RORA: variants seen among roughly 807,000 people sequenced by gnomAD.
The protein encoded by RORA is nuclear receptor ROR-alpha.
In RORA, 7 loss-of-function variants were observed where a neutral mutation model predicts 69.5. That is an observed-to-expected ratio of 0.10 (90% CI 0.06 to 0.19). The LOEUF (loss-of-function observed/expected upper bound fraction) is 0.19, where lower values mean the gene tolerates loss of function less well. Ranked by LOEUF, RORA falls within the 10% of genes least tolerant of loss-of-function variation. The probability of loss-of-function intolerance (pLI) is 1.00; values close to 1 mark genes in which losing one functional copy is unlikely to be tolerated. For missense variants in RORA, 457 were observed against 663.0 expected (o/e 0.69, Z 3.41); for synonymous variants, 261 against 240.8 (o/e 1.08, Z -0.78).
intron 1 of RORA, among the ~76,000 whole-genome samples, chr15:60,814,145 C>CTA (rs1341175496): frequency 6.6e-6 from 1 of 152,216 alleles, no homozygotes; most frequent in Non-Finnish European, 1.5e-5. Context: ...TCCAAGCCTC[C>CTA]TACAGTGTCA....
chr15:61,115,188 G>C (rs1326479403), intron 1 of RORA, among the ~76,000 whole-genome samples: 1 of 152,024 alleles, frequency 6.6e-6, no homozygotes, highest in East Asian at 1.9e-4. Flanking sequence ...CATATCTCCA[G>C]AGTCCACCAG....
At chr15:60,592,418 T>G (rs1476950168) in intron 2 of RORA, 2 of 1,432,042 alleles carry the variant, frequency 1.4e-6, no homozygotes, top group Non-Finnish European at 1.8e-6. Flanking sequence ...AATACATCAT[T>G]TAAGCCGCGG....
intron 1 of RORA, among the ~76,000 whole-genome samples, chr15:61,040,165 A>ATATATAT (rs1566958547): frequency 3.9e-5 from 4 of 101,688 alleles, no homozygotes; most frequent in South Asian, 3.2e-4. Context: ...TATATATATA[A>ATATATAT]AATATATGAA....
chr15:60,675,701 AT>A (rs935322528), intron 2 of RORA, among the ~76,000 whole-genome samples: 6 of 152,074 alleles, frequency 3.9e-5, no homozygotes, highest in Admixed American at 6.6e-5. Context: ...CAAAACATTT[AT>A]TTTTTTTAAA....
rs189608176 is a variant in RORA, at chr15:60,566,899, C to T, written c.197-35048G>A. The stretch of plus-strand genomic sequence containing the variant: ...GATGGAAAGTGGGTAGCCAGGTTGG[C>T]GGGACCTAATCCTAAAGGGCCTTGA... On this transcript the variant is annotated intron_variant, in intron 2 of 10. Transcript: ENST00000335670. Among the ~76,000 whole-genome samples, 196 of 152,060 alleles carry T rather than the reference C, an allele frequency of 1.3e-3. 4 individuals carry two copies. Among genetic ancestry groups the T allele is most frequent in the African/African-American group, 4.1e-3 (171 of 41,472 alleles).
intron 1 of RORA, among the ~76,000 whole-genome samples, chr15:60,703,050 A>T (rs951846054): frequency 4.6e-5 from 7 of 152,108 alleles, no homozygotes; most frequent in African/African-American, 1.7e-4. Flanking sequence ...GAGCAAGGGA[A>T]TAGATGAACC....
Position 60,905,655 on chromosome 15 carries a change from G to C in RORA, c.167-226969C>G, listed in dbSNP as rs1351206911. Among the ~76,000 whole-genome samples, 2 of 152,208 alleles carry C rather than the reference G, an allele frequency of 1.3e-5. No homozygotes were observed. Among genetic ancestry groups the C allele is most frequent in the African/African-American group, 4.8e-5 (2 of 41,450 alleles). ...AGTGATAAAGCCCTCAAGAGCGTCT[G>C]TATCTGCCCCGGTTCTGTCAGGAAA... On this transcript the variant is annotated intron_variant, in intron 1 of 10. Coordinates refer to ENST00000335670, the MANE Select transcript of RORA (RefSeq NM_134261.3). This position sits in a 1 kb window ranked among gnomAD's most constrained non-coding sequence, Gnocchi z 4.8.
chr15:60,776,349 G>T (rs1214665890), intron 1 of RORA, among the ~76,000 whole-genome samples: 1 of 152,146 alleles, frequency 6.6e-6, no homozygotes, highest in Non-Finnish European at 1.5e-5. Flanking sequence ...AGGTAATCTG[G>T]CAAGGTCTTC....
At chr15:61,000,694 G>T (rs1414556928) in intron 1 of RORA, among the ~76,000 whole-genome samples, 1 of 152,212 alleles carries the variant, frequency 6.6e-6, no homozygotes, top group Non-Finnish European at 1.5e-5. Flanking sequence ...AGGGCAATTT[G>T]ATTACTATTG....
At chr15:60,500,921 A>T (rs767443269) in intron 9 of RORA, 38 bp downstream of exon 9, 1 of 1,219,396 alleles carries the variant, frequency 8.2e-7, no homozygotes, top group Non-Finnish European at 1.2e-6. Flanking sequence ...ATCTTAGACA[A>T]TTCGAAAACC....
intron 1 of RORA, among the ~76,000 whole-genome samples, chr15:60,832,071 G>A (rs1274841999): frequency 6.6e-6 from 1 of 152,132 alleles, no homozygotes; most frequent in Non-Finnish European, 1.5e-5. Context: ...GTATGTTATC[G>A]CAAAGACAGC....
At chr15:61,154,895 C>T (rs1379610801) in intron 1 of RORA, among the ~76,000 whole-genome samples, 1 of 152,180 alleles carries the variant, frequency 6.6e-6, no homozygotes. Context: ...CTGCCTCTCG[C>T]ATTGTGAAAG....
chr15:60,980,679 T>C (rs775493871), intron 1 of RORA, among the ~76,000 whole-genome samples: 6 of 152,136 alleles, frequency 3.9e-5, no homozygotes, highest in Non-Finnish European at 8.8e-5. Flanking sequence ...TTGCTCATTA[T>C]ATTCTCTTAA....
chr15:61,003,272 T>A lies in RORA; in HGVS notation c.166+225781A>T, dbSNP rs565205041. Among the ~76,000 whole-genome samples, 8 of 152,314 alleles carry A rather than the reference T, an allele frequency of 5.3e-5. No homozygotes were observed. The East Asian group carries it at 1.2e-3, about 22-fold the overall frequency. ...AGTAGTTCCTAACAATTAACCGTTA[T>A]AAGAAATAATCTCCAAGCCTTTTAG... On this transcript the variant is annotated intron_variant, in intron 1 of 10. Transcript: ENST00000335670.
intron 1 of RORA, among the ~76,000 whole-genome samples, chr15:61,140,370 T>C (rs2079286687): frequency 6.6e-6 from 1 of 152,214 alleles, no homozygotes. Context: ...GTAGGTGTGC[T>C]TGATTAATAA....
chr15:61,192,780 C>CT (rs1444398455), intron 1 of RORA, among the ~76,000 whole-genome samples: 3 of 152,220 alleles, frequency 2.0e-5, no homozygotes, highest in Non-Finnish European at 4.4e-5. Context: ...CCTCCCAGCT[C>CT]TGAGACTCTG....
In RORA at chr15:60,981,584, A is replaced by C. The variant is rs75673022; in HGVS notation, c.166+247469T>G. Among the ~76,000 whole-genome samples, 7 of 152,200 alleles carry C rather than the reference A, an allele frequency of 4.6e-5. No individual in the cohort carries two copies. In the East Asian group the frequency reaches 1.2e-3, roughly 25 times the overall value. ...CTTTGGTCTGTTCAAATCTTCTGTT[A>C]AGCCCCTCTAGTAATTTTTTCTTTT... On this transcript the variant is annotated intron_variant, in intron 1 of 10. Transcript: ENST00000335670.
chr15:60,964,344 T>G (rs74019963), intron 1 of RORA, among the ~76,000 whole-genome samples: 2,125 of 152,300 alleles, frequency 0.014, 49 homozygotes, highest in African/African-American at 0.048. Context: ...GATCCCAGTT[T>G]GAGCCTTACT....
chr15:60,770,262 C>T (rs2072054390), intron 1 of RORA, among the ~76,000 whole-genome samples: 1 of 151,984 alleles, frequency 6.6e-6, no homozygotes, highest in South Asian at 2.1e-4. Flanking sequence ...TTATAGAAGT[C>T]CAATGTAATT....
Sources: gnomAD v4.1 joint callset for allele counts (sites outside exome capture counted in the v4.1 genomes callset) on GRCh38, gnomAD v4.1.1 for gene constraint, Gnocchi (gnomAD v3.1) non-coding constraint, MANE v1.5 for transcripts, NCBI Gene and HGNC (gene_info 2026-07-23, HGNC 2026-07-21) for gene names.